HMGA1: variants seen among roughly 807,000 people sequenced by gnomAD.
The protein encoded by HMGA1 is high mobility group protein HMG-I/HMG-Y.
A neutral mutation model predicts 15.1 loss-of-function variants in HMGA1; 1 was observed. The ratio of observed to expected loss-of-function variants is 0.07; its 90% CI spans 0.02 to 0.31. HMGA1 has a LOEUF of 0.31. HMGA1 is among the 10% of genes least tolerant of loss of function. HMGA1 has a pLI of 1.00. For missense variants in HMGA1, 94 were observed against 141.4 expected, an observed-to-expected ratio of 0.66 and a Z score of 1.70; for synonymous variants, 56 against 54.8, an observed-to-expected ratio of 1.02 and a Z score of -0.10.
rs542405032 is a variant in HMGA1, at chr6:34,245,701, C to T, written c.*817C>T. 32 of 973,620 alleles carry T rather than the reference C, an allele frequency of 3.3e-5. No homozygotes were observed. Among genetic ancestry groups the T allele is most frequent in the Non-Finnish European group, 4.3e-5 (30 of 699,516 alleles). 60.3% of individuals were successfully genotyped at this position (973,620 alleles called of 1,614,324 possible). A position where few individuals can be genotyped will look rare whatever the true frequency, so the allele number is the denominator to read the frequency against. ...GTGGGCTGGGGCTGCTCCCCTAACC[C>T]TACTTTGCTTCCGCCACTCAGCCAT... is the stretch of plus-strand genomic sequence containing the variant. On this transcript the variant is annotated 3_prime_UTR_variant, in exon 6 of 6. Coordinates refer to ENST00000311487, the MANE Select transcript of HMGA1 (RefSeq NM_145899.3).
Position 34,240,923 on chromosome 6 carries a change from T to C in HMGA1, c.135+8T>C. The C allele has an allele frequency of 6.2e-7, 1 of 1,613,578 alleles. No individual in the cohort carries two copies. Among genetic ancestry groups the C allele is most frequent in the South Asian group, 1.1e-5 (1 of 91,066 alleles). On this transcript the variant is annotated splice_region_variant and intron_variant, in intron 3 of 5. Transcript: ENST00000311487. ...GCGCTGGTAGGGAGTCAGGTGGGTG[T>C]CCAAACCTTTGCTTCACTTGGTTTA...
At position 34,244,891 on chromosome 6, in the gene HMGA1, C is replaced by G. The variant is rs766017108; in HGVS notation, c.*7C>G. ...CTCGGAGGAGGAGCAGTGACCCATGCGTGCCGCCTGCTCCTCACTGGAGGA... is the reference window on the plus strand; with the variant it reads ...CTCGGAGGAGGAGCAGTGACCCATGGGTGCCGCCTGCTCCTCACTGGAGGA... On this transcript the variant is annotated 3_prime_UTR_variant, in exon 6 of 6. Transcript: ENST00000311487. The G allele has an allele frequency of 1.3e-6, 2 of 1,556,252 alleles. No homozygotes were observed. The highest frequency in any genetic ancestry group is 3.9e-5 in the Admixed American group (2 of 51,506).
intron 3 of HMGA1, among the ~76,000 whole-genome samples, chr6:34,242,369 G>A (rs1470635094): frequency 6.6e-6 from 1 of 152,186 alleles, no homozygotes; most frequent in Non-Finnish European, 1.5e-5. Flanking sequence ...GGAAACTGAG[G>A]CTCCAGCATT....
Position 34,239,955 on chromosome 6 carries a change from ACCCATCTGACAAAGT to A in HMGA1, c.-44-771_-44-757del, listed in dbSNP as rs538303323. Reference sequence around the variant, plus strand: ...GTGCATTTCAGTTGGAGAATTCCCTACCCATCTGACAAAGTCCCATCTGACTCCAGTTGGGCAGAG... The same window carrying A: ...GTGCATTTCAGTTGGAGAATTCCCTACCCATCTGACTCCAGTTGGGCAGAG... On this transcript the variant is annotated intron_variant, in intron 2 of 5. Coordinates refer to ENST00000311487, the MANE Select transcript of HMGA1 (RefSeq NM_145899.3). 5.0e-4 allele frequency among the ~76,000 whole-genome samples: 76 copies of A among 152,184 alleles called. 1 individual carries two copies. In the East Asian group the frequency reaches 7.9e-3, roughly 16 times the overall value.
At chr6:34,241,778 C>T (rs1171522155) in intron 3 of HMGA1, among the ~76,000 whole-genome samples, 2 of 152,180 alleles carry the variant, frequency 1.3e-5, no homozygotes, top group Non-Finnish European at 2.9e-5. Flanking sequence ...CGACCTCTGC[C>T]CCTTAAACAT....
At chr6:34,241,381 G>A (rs145625561) in intron 3 of HMGA1, among the ~76,000 whole-genome samples, 3 of 152,350 alleles carry the variant, frequency 2.0e-5, no homozygotes, top group Non-Finnish European at 2.9e-5. Flanking sequence ...ACTTATGGTC[G>A]ATTCTTGTAC....
At chr6:34,239,416 C>A (rs1762114934) in intron 2 of HMGA1, among the ~76,000 whole-genome samples, 1 of 152,116 alleles carries the variant, frequency 6.6e-6, no homozygotes, top group Admixed American at 6.5e-5. Context: ...GCCCATAAAT[C>A]ATTTTCAAAT....
chr6:34,245,253 G>A lies in HMGA1; in HGVS notation c.*369G>A. 2 of 1,379,022 alleles carry A rather than the reference G, an allele frequency of 1.5e-6. No individual in the cohort carries two copies. Among genetic ancestry groups the A allele is most frequent in the Non-Finnish European group, 9.6e-7 (1 of 1,045,040 alleles). 85.4% of individuals were successfully genotyped at this position (1,379,022 alleles called of 1,614,324 possible). ...TGCTCTCTGGGCTTTTGGTTTGGGG[G>A]CGCCCTCTCTGCTCCTTCACTGTTC... On this transcript the variant is annotated 3_prime_UTR_variant, in exon 6 of 6. Coordinates refer to ENST00000311487, the MANE Select transcript of HMGA1 (RefSeq NM_145899.3).
Position 34,245,306 on chromosome 6 carries a change from G to T in HMGA1, c.*422G>T, listed in dbSNP as rs1438290543. On this transcript the variant is annotated 3_prime_UTR_variant, in exon 6 of 6. Transcript: ENST00000311487. ...TCTGGCTTCCCATAGTGGGGCCTGGGAGGGTTCCCCTGGCCTTAAAAGGGG... is the reference window on the plus strand; with the variant it reads ...TCTGGCTTCCCATAGTGGGGCCTGGTAGGGTTCCCCTGGCCTTAAAAGGGG... 5.8e-6 allele frequency: 8 copies of T among 1,370,722 alleles called. No homozygotes were observed. The highest frequency in any genetic ancestry group is 7.7e-6 in the Non-Finnish European group (8 of 1,039,458). The allele number at this position is 1,370,722 out of a possible 1,614,324, so 84.9% of individuals were successfully genotyped here.
chr6:34,237,558 G>C (rs1219543403), intron 2 of HMGA1, among the ~76,000 whole-genome samples: 1 of 145,726 alleles, frequency 6.9e-6, no homozygotes, highest in Admixed American at 6.8e-5. Flanking sequence ...GCGCCCTGCG[G>C]GGGGCGGGGA....
chr6:34,240,092 A>G (rs1233173208), intron 2 of HMGA1, among the ~76,000 whole-genome samples: 2 of 152,076 alleles, frequency 1.3e-5, no homozygotes, highest in African/African-American at 2.4e-5. Context: ...CCCTCCCTCA[A>G]TTATACCAAT....
intron 5 of HMGA1, among the ~76,000 whole-genome samples, 172 bp from the exon 6 acceptor site, chr6:34,244,659 C>A (rs1412728869): frequency 6.6e-6 from 1 of 152,050 alleles, no homozygotes; most frequent in Non-Finnish European, 1.5e-5. Flanking sequence ...CTTTTAAATT[C>A]TTTTTATGAA....
rs1309911046 is a variant in HMGA1 at position 34,244,969 on chromosome 6, C to G, written c.*85C>G. 1 of 1,545,024 alleles carries G rather than the reference C, an allele frequency of 6.5e-7. No homozygotes were observed. The highest frequency in any genetic ancestry group is 1.4e-5 in the African/African-American group (1 of 72,730). On this transcript the variant is annotated 3_prime_UTR_variant, in exon 6 of 6. Coordinates refer to ENST00000311487, the MANE Select transcript of HMGA1 (RefSeq NM_145899.3). ...TTGCTCCGCTCCCACCGCCCCCACC[C>G]CTTCCCCAGGCCCACCATCACCACC...
Position 34,240,906 on chromosome 6 carries a change from A to T in HMGA1, c.126A>T (p.Val42=). 6.2e-7 allele frequency: 1 copy of T among 1,613,706 alleles called. No homozygotes were observed. Among genetic ancestry groups the T allele is most frequent in the Non-Finnish European group, 8.5e-7 (1 of 1,179,730 alleles). The change falls in exon 3 of 6, where the codon GTA becomes GTT. Residue 42 remains valine (V), a synonymous_variant. Transcript: ENST00000311487. ...QPPVSPGTAL[V]GSQKEPSEVP... ...CGGTGAGTCCCGGGACAGCGCTGGTAGGGAGTCAGGTGGGTGTCCAAACCT... is the reference window on the plus strand; with the variant it reads ...CGGTGAGTCCCGGGACAGCGCTGGTTGGGAGTCAGGTGGGTGTCCAAACCT...
intron 2 of HMGA1, 27 bp from the exon 3 acceptor site, chr6:34,240,710 G>A: frequency 6.3e-7 from 1 of 1,580,512 alleles, no homozygotes. Flanking sequence ...CGAGATGTTT[G>A]TCTAAAAGCA....
intron 4 of HMGA1, among the ~76,000 whole-genome samples, chr6:34,243,227 TCTAAGACACGACTCATATC>T (rs1462277255): frequency 2.6e-5 from 4 of 152,056 alleles, no homozygotes; most frequent in Non-Finnish European, 5.9e-5. Flanking sequence ...TTTTATTTTT[TCTAAGACACGACTCATATC>T]CTCTGAGTCA....
rs1403023335 is a variant in HMGA1 at position 34,243,363 on chromosome 6, G to A, written c.220-105G>A. 13 of 875,094 alleles carry A rather than the reference G, an allele frequency of 1.5e-5. No homozygotes were observed. In the Admixed American group the frequency reaches 1.8e-4, roughly 12 times the overall value. 54.2% of individuals were successfully genotyped at this position (875,094 alleles called of 1,614,324 possible). On this transcript the variant is annotated intron_variant, in intron 4 of 5. Transcript: ENST00000311487. ...GTGGGCCTGTTGGGTGAGAGTGTTGGGTCACCCTGAACAGGCAGGTAGGTC... is the reference window on the plus strand; with the variant it reads ...GTGGGCCTGTTGGGTGAGAGTGTTGAGTCACCCTGAACAGGCAGGTAGGTC...
intron 5 of HMGA1, among the ~76,000 whole-genome samples, chr6:34,243,946 T>C (rs754316828): frequency 1.4e-4 from 21 of 151,984 alleles, no homozygotes; most frequent in Non-Finnish European, 2.2e-4. Flanking sequence ...GAGGGGTCGG[T>C]GCTGGAGTTC....
rs1453766151 is a variant in HMGA1, at chr6:34,245,347, A to G, written c.*463A>G. 17 of 1,362,238 alleles carry G rather than the reference A, an allele frequency of 1.2e-5. No homozygotes were observed. In the Admixed American group the frequency reaches 3.5e-4, roughly 28 times the overall value. 84.4% of individuals were successfully genotyped at this position (1,362,238 alleles called of 1,614,324 possible). ...TTAAAAGGGGCCCAAGCCCCATCTC[A>G]TCCTGGCACGCCCTACTCCACTGCC... On this transcript the variant is annotated 3_prime_UTR_variant, in exon 6 of 6. Coordinates refer to ENST00000311487, the MANE Select transcript of HMGA1 (RefSeq NM_145899.3).
Sources: allele counts gnomAD v4.1 joint callset (sites outside exome capture counted in the v4.1 genomes callset), GRCh38; gene constraint gnomAD v4.1.1; transcripts MANE v1.5; gene names NCBI Gene and HGNC (gene_info 2026-07-23, HGNC 2026-07-21).